AFAP1L2: variants seen among roughly 807,000 people sequenced by gnomAD.
The protein encoded by AFAP1L2 is actin filament-associated protein 1-like 2.
A neutral mutation model predicts 99.3 loss-of-function variants in AFAP1L2; 46 were observed. The ratio of observed to expected loss-of-function variants is 0.46; its 90% CI spans 0.37 to 0.59. AFAP1L2 has a LOEUF of 0.59. AFAP1L2 is among the 20% of genes least tolerant of loss of function. The pLI is 0.00. For missense variants in AFAP1L2, 959 were observed against 1,034.9 expected (o/e 0.93, Z 1.01); for synonymous variants, 397 against 419.1 (o/e 0.95, Z 0.64).
At chr10:114,294,449 T>C (rs1002519846), downstream of AFAP1L2, among the ~76,000 whole-genome samples, 3 of 152,216 alleles carry the variant, frequency 2.0e-5, no homozygotes, top group African/African-American at 7.2e-5. Flanking sequence ...AACCCGATTT[T>C]GATTTTGTCA....
intron 1 of AFAP1L2, among the ~76,000 whole-genome samples, chr10:114,352,302 G>A (rs772297162): frequency 1.5e-4 from 23 of 151,644 alleles, no homozygotes; most frequent in Admixed American, 7.2e-4. Flanking sequence ...GTGAAACCCC[G>A]TCTCTACTAA....
chr10:114,338,587 T>A (rs2048326984), intron 2 of AFAP1L2, among the ~76,000 whole-genome samples: 1 of 152,220 alleles, frequency 6.6e-6, no homozygotes, highest in Non-Finnish European at 1.5e-5. Context: ...ATTCACAGAA[T>A]GGAATACTAC....
chr10:114,296,632 G>A, intron 18 of AFAP1L2: 1 of 282,758 alleles, frequency 3.5e-6, no homozygotes, highest in East Asian at 8.0e-5. Context: ...TAGAAGTCCT[G>A]TGGAGTCACT....
chr10:114,344,912 C>T (rs941960103), intron 1 of AFAP1L2, among the ~76,000 whole-genome samples: 3 of 152,042 alleles, frequency 2.0e-5, no homozygotes, highest in Admixed American at 6.6e-5. Context: ...GCCTGGCCAA[C>T]CTGGCAAAAC....
intron 1 of AFAP1L2, among the ~76,000 whole-genome samples, chr10:114,372,997 T>C (rs2054320190): frequency 6.6e-6 from 1 of 152,234 alleles, no homozygotes. Context: ...ATGGATGCAA[T>C]GTATGTTTTA....
chr10:114,380,612 A>C (rs2055482799), intron 1 of AFAP1L2, among the ~76,000 whole-genome samples: 1 of 152,218 alleles, frequency 6.6e-6, no homozygotes, highest in Admixed American at 6.5e-5. Context: ...GTGAGGGAAC[A>C]TATCATAAAG....
chr10:114,286,705 C>T, the AFAP1L2 span, among the ~76,000 whole-genome samples: 1 of 152,208 alleles, frequency 6.6e-6, no homozygotes, highest in Non-Finnish European at 1.5e-5. Flanking sequence ...AGTAGTACCT[C>T]CTGAGAGATC....
chr10:114,294,522 GTATTGGTATGTTTC>G (rs1201320530), downstream of AFAP1L2, among the ~76,000 whole-genome samples: 1 of 152,138 alleles, frequency 6.6e-6, no homozygotes, highest in Admixed American at 6.5e-5. Flanking sequence ...AACCTTCCCA[GTATTGGTATGTTTC>G]TTTTTTCCCA....
chr10:114,326,225 G>T (rs1300016173), intron 4 of AFAP1L2, among the ~76,000 whole-genome samples: 2 of 152,142 alleles, frequency 1.3e-5, no homozygotes, highest in South Asian at 2.1e-4. Flanking sequence ...TTTGAGCTAC[G>T]CGAGGTGTGC....
intron 8 of AFAP1L2, among the ~76,000 whole-genome samples, chr10:114,308,982 A>C (rs945437207): frequency 1.3e-5 from 2 of 152,172 alleles, no homozygotes; most frequent in African/African-American, 4.8e-5. Context: ...CTCACTCTGC[A>C]TGTGTCACAT....
At chr10:114,296,254 T>C (rs1380304220) in intron 18 of AFAP1L2, 186 bp from the exon 19 acceptor site, 2 of 744,852 alleles carry the variant, frequency 2.7e-6, no homozygotes, top group African/African-American at 1.7e-5. Context: ...TTTGAGACTG[T>C]GGCACAACAG....
At chr10:114,313,059 G>T (rs963225346) in intron 7 of AFAP1L2, among the ~76,000 whole-genome samples, 6 of 152,034 alleles carry the variant, frequency 3.9e-5, no homozygotes, top group African/African-American at 1.5e-4. Flanking sequence ...CAGGTGGAGT[G>T]GGGTGGGGTG....
intron 4 of AFAP1L2, among the ~76,000 whole-genome samples, 191 bp from the exon 5 acceptor site, chr10:114,323,452 C>A (rs938784056): frequency 6.6e-6 from 1 of 152,280 alleles, no homozygotes; most frequent in Admixed American, 6.5e-5. Flanking sequence ...TGGTCTGTAG[C>A]CACGGAAGGG....
chr10:114,395,057 G>T (rs1432063356), intron 1 of AFAP1L2, among the ~76,000 whole-genome samples: 1 of 152,160 alleles, frequency 6.6e-6, no homozygotes, highest in African/African-American at 2.4e-5. Flanking sequence ...ATCCAACTCT[G>T]CCATGTCAGT....
At position 114,299,339 on chromosome 10, in the gene AFAP1L2, C is replaced by T; in HGVS notation, c.2034G>A (p.Lys678=). ...YTEEKERLEK[K]KEEIRGHLAQ... is the part of the protein sequence containing the mutation. ...CCAGGTGCCCCCGGATTTCTTCCTT[C>T]TTCTTTTCAAGCCTCTCCTTCTCCT... Residue 678 remains lysine (K), a synonymous_variant, in exon 16 of 19, where the codon AAG becomes AAA. Transcript: ENST00000304129. The T allele has an allele frequency of 6.2e-7, 1 of 1,614,264 alleles. No individual in the cohort carries two copies. The highest frequency in any genetic ancestry group is 8.5e-7 in the Non-Finnish European group (1 of 1,180,040).
At chr10:114,382,783 T>C (rs1281481843) in intron 1 of AFAP1L2, among the ~76,000 whole-genome samples, 1 of 151,834 alleles carries the variant, frequency 6.6e-6, no homozygotes, top group Non-Finnish European at 1.5e-5. Context: ...TTAGTAGAGA[T>C]GGGGTTTCTC....
the AFAP1L2 span, among the ~76,000 whole-genome samples, chr10:114,282,155 C>A: frequency 6.6e-6 from 1 of 152,100 alleles, no homozygotes; most frequent in Admixed American, 6.6e-5. Context: ...AGGCACATGC[C>A]ACCACGCCCA....
intron 1 of AFAP1L2, among the ~76,000 whole-genome samples, chr10:114,348,776 C>A (rs1015512623): frequency 6.6e-6 from 1 of 152,156 alleles, no homozygotes; most frequent in African/African-American, 2.4e-5. Flanking sequence ...CCTGGGTGCA[C>A]CCCCAGAATT....
chr10:114,319,746 G>A (rs10885547), intron 5 of AFAP1L2: 697,518 of 861,840 alleles, frequency 0.81, 285,679 homozygotes, highest in East Asian at 0.94. Flanking sequence ...AGACCCAGAT[G>A]TGGCAACTCG....
Sources: allele counts gnomAD v4.1 joint callset (sites outside exome capture counted in the v4.1 genomes callset), GRCh38; gene constraint gnomAD v4.1.1; transcripts MANE v1.5; gene names NCBI Gene and HGNC (gene_info 2026-07-23, HGNC 2026-07-21).